The following ZDHHC3 variants were observed in gnomAD, a reference collection of about 807,000 sequenced individuals.
ZDHHC3 encodes palmitoyltransferase ZDHHC3.
ZDHHC3 carries 9 observed loss-of-function variants against 30.6 expected under a neutral mutation model. The observed-to-expected ratio is 0.29, with a 90% CI of 0.18 to 0.51. ZDHHC3 has a LOEUF of 0.51. Among genes scored for constraint, ZDHHC3 ranks in the 20% least tolerant of loss-of-function variants. The pLI, the probability that ZDHHC3 is intolerant of heterozygous loss-of-function variation, is 0.97. For missense variants in ZDHHC3, 246 were observed against 384.2 expected, an observed-to-expected ratio of 0.64 and a Z score of 3.01; for synonymous variants, 136 against 140.2, an observed-to-expected ratio of 0.97 and a Z score of 0.21.
In ZDHHC3 at chr3:44,919,831, T is replaced by C. The variant is rs1700470971; in HGVS notation, c.*6858A>G. On this transcript the variant is annotated 3_prime_UTR_variant, in exon 7 of 7. Coordinates refer to ENST00000424952, the MANE Select transcript of ZDHHC3 (RefSeq NM_001135179.2). ...TGTTTTTGTCACATTTTTGTAAGTC[T>C]GATTTCACAAAAAGTTTAAAAATAA... is the stretch of plus-strand genomic sequence containing the variant. 7 of 998,108 alleles carry C rather than the reference T, an allele frequency of 7.0e-6. No individual in the cohort carries two copies. The highest frequency in any genetic ancestry group is 8.4e-6 in the Non-Finnish European group (7 of 831,368). The allele number at this position is 998,108 out of a possible 1,614,324, so 61.8% of individuals were successfully genotyped here.
chr3:44,924,452 C>G lies in ZDHHC3; in HGVS notation c.*2237G>C. 1.0e-6 allele frequency: 1 copy of G among 985,396 alleles called. No individual in the cohort carries two copies. The highest frequency in any genetic ancestry group is 5.2e-4 in the Middle Eastern group (1 of 1,914). The allele number at this position is 985,396 out of a possible 1,614,324, so 61.0% of individuals were successfully genotyped here. A position where few individuals can be genotyped will look rare whatever the true frequency, so the allele number is the denominator to read the frequency against. On this transcript the variant is annotated 3_prime_UTR_variant, in exon 7 of 7. Coordinates refer to ENST00000424952, the MANE Select transcript of ZDHHC3 (RefSeq NM_001135179.2). The stretch of plus-strand genomic sequence containing the variant: ...AACATTGACTCTTTCTAGCCAAGGC[C>G]TATACAAAACCAGAGGCAGAATCCT...
chr3:44,964,094 G>C (rs1430884922), intron 1 of ZDHHC3, among the ~76,000 whole-genome samples: 4 of 152,108 alleles, frequency 2.6e-5, no homozygotes, highest in Non-Finnish European at 4.4e-5. Flanking sequence ...CTAGTGTTTG[G>C]TATATGTGCT....
At chr3:44,933,778 G>A in intron 4 of ZDHHC3, 110 bp downstream of exon 4, 1 of 982,482 alleles carries the variant, frequency 1.0e-6, no homozygotes, top group Non-Finnish European at 1.6e-6. Flanking sequence ...AGATCTACAG[G>A]GCCAGGCAGT....
intron 1 of ZDHHC3, among the ~76,000 whole-genome samples, chr3:44,972,179 A>C (rs1705459587): frequency 6.6e-6 from 1 of 152,108 alleles, no homozygotes; most frequent in African/African-American, 2.4e-5. Context: ...AGAGCTCTCT[A>C]TGGCTGGGCA....
Position 44,920,633 on chromosome 3 carries a change from A to C in ZDHHC3, c.*6056T>G. On this transcript the variant is annotated 3_prime_UTR_variant, in exon 7 of 7. Transcript: ENST00000424952. ...AGAACTAGTGTCTTTTTTTCTGCCC[A>C]ACAGGTTTCCAGTTCTACTGCAAAT... is the stretch of plus-strand genomic sequence containing the variant. 1.0e-6 allele frequency: 1 copy of C among 985,386 alleles called. No homozygotes were observed. Among genetic ancestry groups the C allele is most frequent in the Non-Finnish European group, 1.2e-6 (1 of 829,914 alleles). The allele number at this position is 985,386 out of a possible 1,614,324, so 61.0% of individuals were successfully genotyped here.
In ZDHHC3 at chr3:44,918,018, C is replaced by A; in HGVS notation, c.*8671G>T. ...TGTCTTTGTCACTGGGGATCTCTGGCTGACACGGTCTGGAGAAGGGGTTGA... is the reference window on the plus strand; with the variant it reads ...TGTCTTTGTCACTGGGGATCTCTGGATGACACGGTCTGGAGAAGGGGTTGA... On this transcript the variant is annotated 3_prime_UTR_variant, in exon 7 of 7. Transcript: ENST00000424952. 1 of 1,305,442 alleles carries A rather than the reference C, an allele frequency of 7.7e-7. No individual in the cohort carries two copies. The highest frequency in any genetic ancestry group is 1.0e-6 in the Non-Finnish European group (1 of 988,956). The allele number at this position is 1,305,442 out of a possible 1,614,324, so 80.9% of individuals were successfully genotyped here.
At chr3:44,927,927 T>C (rs1281368534) in intron 6 of ZDHHC3, among the ~76,000 whole-genome samples, 2 of 152,178 alleles carry the variant, frequency 1.3e-5, no homozygotes, top group Admixed American at 1.3e-4. Context: ...CCTTCCCAGG[T>C]GGGGCAGGGC....
In ZDHHC3 at chr3:44,972,661, C is replaced by G. The variant is rs879569635; in HGVS notation, c.-25+3272G>C. 1.3e-5 allele frequency among the ~76,000 whole-genome samples: 2 copies of G among 152,200 alleles called. 1 individual carries two copies. Among genetic ancestry groups the G allele is most frequent in the African/African-American group, 4.8e-5 (2 of 41,452 alleles). On this transcript the variant is annotated intron_variant, in intron 1 of 6. Transcript: ENST00000424952. The stretch of plus-strand genomic sequence containing the variant: ...TGATACCTGGCCTGCACAATTAGCA[C>G]CTTATTATAGGCTGGCCTCTCTTCT...
At chr3:44,967,600 C>T (rs969152783) in intron 1 of ZDHHC3, among the ~76,000 whole-genome samples, 16 of 152,014 alleles carry the variant, frequency 1.1e-4, no homozygotes, top group African/African-American at 3.9e-4. Context: ...ATTGGAAATC[C>T]GTAGAAGACA....
At chr3:44,965,334 T>G (rs1483669672) in intron 1 of ZDHHC3, among the ~76,000 whole-genome samples, 2 of 152,076 alleles carry the variant, frequency 1.3e-5, no homozygotes, top group African/African-American at 2.4e-5. Flanking sequence ...TGAAGTGGAG[T>G]CTGGGGCTCC....
chr3:44,943,456 G>A (rs1432004649), intron 3 of ZDHHC3, among the ~76,000 whole-genome samples: 1 of 152,166 alleles, frequency 6.6e-6, no homozygotes, highest in Admixed American at 6.5e-5. Flanking sequence ...ACAGCACACA[G>A]GTACTGGGGA....
rs977748270 is a variant in ZDHHC3, at chr3:44,931,091, T to C, written c.611-1655A>G. On this transcript the variant is annotated intron_variant, in intron 5 of 6. Transcript: ENST00000424952. ...AAACTCCAGGAGCGGGGAGACTTTG[T>C]TTTGCTTACTGCTGTACAACCAGCC... 2.6e-5 allele frequency among the ~76,000 whole-genome samples: 4 copies of C among 152,222 alleles called. 1 individual carries two copies. The highest frequency in any genetic ancestry group is 9.6e-5 in the African/African-American group (4 of 41,458).
chr3:44,955,444 G>A (rs539407514), intron 2 of ZDHHC3, among the ~76,000 whole-genome samples: 3 of 137,848 alleles, frequency 2.2e-5, no homozygotes, highest in East Asian at 4.4e-4. Context: ...GCTTGAGGGA[G>A]ACCACAAGGT....
Position 44,924,674 on chromosome 3 carries a change from C to A in ZDHHC3, c.*2015G>T, listed in dbSNP as rs562895280. On this transcript the variant is annotated 3_prime_UTR_variant, in exon 7 of 7. Transcript: ENST00000424952. ...AAATGCCCTGGAAGATGGAGTATTA[C>A]CAATCTCTTCCCCCTAGGGGAGGGC... 1 of 985,324 alleles carries A rather than the reference C, an allele frequency of 1.0e-6. No individual in the cohort carries two copies. The highest frequency in any genetic ancestry group is 1.2e-6 in the Non-Finnish European group (1 of 829,930). The allele number at this position is 985,324 out of a possible 1,614,324, so 61.0% of individuals were successfully genotyped here.
At chr3:44,964,224 C>T (rs142626062) in intron 1 of ZDHHC3, among the ~76,000 whole-genome samples, 2,730 of 152,210 alleles carry the variant, frequency 0.018, 41 homozygotes, top group Middle Eastern at 0.085. Flanking sequence ...CAGAAAAACC[C>T]GAACACCAAA....
chr3:44,934,493 C>T (rs1701772959), intron 3 of ZDHHC3, among the ~76,000 whole-genome samples: 1 of 148,358 alleles, frequency 6.7e-6, no homozygotes, highest in Admixed American at 6.8e-5. Flanking sequence ...GAAGAGAGGG[C>T]TATTTCAGAG....
chr3:44,970,212 G>A lies in ZDHHC3; in HGVS notation c.-25+5721C>T, dbSNP rs118050949. Among the ~76,000 whole-genome samples the A allele has an allele frequency of 7.7e-4, 117 of 152,362 alleles. 5 individuals carry two copies. The East Asian group carries it at 0.014, about 19-fold the overall frequency. ...CTTATTCCAGGCACTGTAAGTGGCA[G>A]TGCAAGAGCAGAGCCCTGGGAGGAA... On this transcript the variant is annotated intron_variant, in intron 1 of 6. Coordinates refer to ENST00000424952, the MANE Select transcript of ZDHHC3 (RefSeq NM_001135179.2).
Position 44,959,352 on chromosome 3 carries a change from AG to A in ZDHHC3, c.84del (p.Tyr29ThrfsTer39). The A allele has an allele frequency of 5.6e-6, 9 of 1,613,992 alleles. No individual in the cohort carries two copies. Among genetic ancestry groups the A allele is most frequent in the Non-Finnish European group, 7.6e-6 (9 of 1,179,854 alleles). ...YLQPEKCVPP[P>X]YPGPVGTMWF... is the part of the protein sequence containing the mutation. ...CACATGGTTCCCACAGGACCAGGGT[AG>A]GGGGGTGGGACACACTTCTCTGGCT... On this transcript the variant is annotated frameshift_variant, in exon 2 of 7. Coordinates refer to ENST00000424952, the MANE Select transcript of ZDHHC3 (RefSeq NM_001135179.2). LOFTEE classifies it high-confidence loss of function. This position sits in a 1 kb window ranked among gnomAD's most constrained non-coding sequence, Gnocchi z 4.3.
rs867823746 is a variant in ZDHHC3, at chr3:44,976,144, C to A, written c.-236G>T. Reference sequence around the variant, plus strand: ...GAGCTCTCCCGGCAGTGGCGGCGGCCGCGGCTGCAGGAGCGGCCGCCGCGC... The same window carrying A: ...GAGCTCTCCCGGCAGTGGCGGCGGCAGCGGCTGCAGGAGCGGCCGCCGCGC... On this transcript the variant is annotated 5_prime_UTR_variant, in exon 1 of 7. Transcript: ENST00000424952. The A allele has an allele frequency of 2.9e-6, 2 of 685,452 alleles. No homozygotes were observed. The highest frequency in any genetic ancestry group is 7.3e-5 in the South Asian group (2 of 27,292). 42.5% of individuals were successfully genotyped at this position (685,452 alleles called of 1,614,324 possible).
Sources: gnomAD v4.1 joint callset for allele counts (sites outside exome capture counted in the v4.1 genomes callset) on GRCh38, gnomAD v4.1.1 for gene constraint, Gnocchi (gnomAD v3.1) non-coding constraint, MANE v1.5 for transcripts, NCBI Gene and HGNC (gene_info 2026-07-23, HGNC 2026-07-21) for gene names.